The following NEGR1 variants were observed in gnomAD, a reference collection of about 807,000 sequenced individuals.
NEGR1 encodes the protein IgLON family member 4.
NEGR1 carries 10 observed loss-of-function variants against 40.9 expected under a neutral mutation model. The observed-to-expected ratio is 0.24, with a 90% CI of 0.15 to 0.42. The LOEUF (loss-of-function observed/expected upper bound fraction) is 0.42, where lower values mean the gene tolerates loss of function less well. Ranked by LOEUF, NEGR1 falls within the 10% of genes least tolerant of loss-of-function variation. The pLI is 1.00. For missense variants in NEGR1, 352 were observed against 438.9 expected, an observed-to-expected ratio of 0.80 and a Z score of 1.77; for synonymous variants, 185 against 166.8, an observed-to-expected ratio of 1.11 and a Z score of -0.84.
At chr1:71,483,678 C>G (rs1461943011) in intron 6 of NEGR1, among the ~76,000 whole-genome samples, 1 of 151,646 alleles carries the variant, frequency 6.6e-6, no homozygotes, top group Non-Finnish European at 1.5e-5. Context: ...ATGTCATGTT[C>G]AGGCTCAGAG....
Position 71,803,521 on chromosome 1 carries a change from C to A in NEGR1, c.410-27224G>T, listed in dbSNP as rs528163224. ...TCCAATATAATCTATTACTATTTTT[C>A]TACCAGCTCCATTGGTTCCTTGCTC... On this transcript the variant is annotated intron_variant, in intron 2 of 6. Coordinates refer to ENST00000357731, the MANE Select transcript of NEGR1 (RefSeq NM_173808.3). 2.0e-5 allele frequency among the ~76,000 whole-genome samples: 3 copies of A among 152,256 alleles called. No homozygotes were observed. In the East Asian group the frequency reaches 5.8e-4, roughly 29 times the overall value.
At chr1:71,670,459 TTTG>T (rs1277006166) in intron 4 of NEGR1, among the ~76,000 whole-genome samples, 1 of 152,240 alleles carries the variant, frequency 6.6e-6, no homozygotes. Flanking sequence ...TCATACATTT[TTTG>T]TTGTTGTTCT....
intron 3 of NEGR1, among the ~76,000 whole-genome samples, chr1:71,712,064 A>G (rs997977131): frequency 6.6e-6 from 1 of 152,192 alleles, no homozygotes; most frequent in Non-Finnish European, 1.5e-5. Flanking sequence ...GGAATTTCTT[A>G]GAATTATAAA....
chr1:72,277,455 T>G (rs1183201453), intron 1 of NEGR1, among the ~76,000 whole-genome samples: 4 of 152,196 alleles, frequency 2.6e-5, no homozygotes, highest in African/African-American at 9.6e-5. Context: ...TACAACTACA[T>G]GGGCTTTTGA....
chr1:71,724,059 A>G (rs925827697), intron 3 of NEGR1, among the ~76,000 whole-genome samples: 2 of 152,090 alleles, frequency 1.3e-5, no homozygotes, highest in African/African-American at 4.8e-5. Context: ...TCTTATTTTA[A>G]AAAGAACTTA....
At chr1:71,752,668 A>G (rs1022946180) in intron 3 of NEGR1, among the ~76,000 whole-genome samples, 1 of 152,176 alleles carries the variant, frequency 6.6e-6, no homozygotes, top group Non-Finnish European at 1.5e-5. Context: ...CCACATTAGA[A>G]GGAAATATCT....
At chr1:71,817,477 C>G (rs946840069) in intron 2 of NEGR1, among the ~76,000 whole-genome samples, 48 of 152,012 alleles carry the variant, frequency 3.2e-4, no homozygotes, top group Admixed American at 2.6e-4. Flanking sequence ...AGGCGCTATT[C>G]CCTAATAAAC....
chr1:71,486,742 A>C (rs972114078), intron 6 of NEGR1: 3 of 151,616 alleles, frequency 2.0e-5, no homozygotes, highest in African/African-American at 7.3e-5. Flanking sequence ...ATAAAAGCAA[A>C]GATGTTAATT....
chr1:71,699,329 T>C (rs900784233), intron 3 of NEGR1, among the ~76,000 whole-genome samples: 2 of 151,880 alleles, frequency 1.3e-5, no homozygotes, highest in African/African-American at 4.8e-5. Flanking sequence ...TTATTAACTG[T>C]GGCATGGTCT....
At chr1:71,418,655 T>C (rs556797780) in intron 6 of NEGR1, among the ~76,000 whole-genome samples, 1 of 152,238 alleles carries the variant, frequency 6.6e-6, no homozygotes, top group South Asian at 2.1e-4. Context: ...AGAAGAAATG[T>C]AATAACTTAA....
intron 2 of NEGR1, among the ~76,000 whole-genome samples, chr1:71,925,591 C>A (rs1463396425): frequency 6.6e-6 from 1 of 152,188 alleles, no homozygotes; most frequent in East Asian, 1.9e-4. Flanking sequence ...TTAGCAGATT[C>A]CAATTTTCTC....
intron 2 of NEGR1, among the ~76,000 whole-genome samples, chr1:71,785,696 C>A (rs1232526211): frequency 6.6e-6 from 1 of 152,152 alleles, no homozygotes; most frequent in Admixed American, 6.6e-5. Context: ...TCCCTATAAA[C>A]CAGAGGAAAC....
chr1:71,868,685 G>A (rs1265133181), intron 2 of NEGR1, among the ~76,000 whole-genome samples: 2 of 151,994 alleles, frequency 1.3e-5, no homozygotes, highest in Admixed American at 1.3e-4. Context: ...ATATCAAACT[G>A]CTTCTAGTGT....
chr1:71,911,902 C>A (rs1164939234), intron 2 of NEGR1, among the ~76,000 whole-genome samples: 2 of 152,134 alleles, frequency 1.3e-5, no homozygotes, highest in Non-Finnish European at 2.9e-5. Flanking sequence ...TACCACCACA[C>A]CCCATTTCCT....
chr1:71,598,932 T>C (rs1256997233), intron 5 of NEGR1, among the ~76,000 whole-genome samples: 2 of 152,186 alleles, frequency 1.3e-5, no homozygotes, highest in Non-Finnish European at 2.9e-5. Flanking sequence ...CTCATTAGAG[T>C]ATAACTCTGT....
At chr1:72,101,495 C>G (rs929081847) in intron 1 of NEGR1, among the ~76,000 whole-genome samples, 2 of 152,088 alleles carry the variant, frequency 1.3e-5, no homozygotes, top group Non-Finnish European at 2.9e-5. Flanking sequence ...GTATGTATTC[C>G]TATTTCAGGG....
At chr1:71,776,824 G>A (rs1292119963) in intron 2 of NEGR1, among the ~76,000 whole-genome samples, 3 of 152,034 alleles carry the variant, frequency 2.0e-5, no homozygotes, top group Admixed American at 1.3e-4. Context: ...AGGTAGTAGG[G>A]CTAGACTTTC....
intron 6 of NEGR1, among the ~76,000 whole-genome samples, chr1:71,432,476 G>A (rs899071399): frequency 2.0e-5 from 3 of 152,074 alleles, no homozygotes; most frequent in African/African-American, 4.8e-5. Context: ...TGAGTATTTT[G>A]ATTTAAAAAC....
rs537242983 is a variant in NEGR1, at chr1:71,413,864, T to C, written c.941-6294A>G. Among the ~76,000 whole-genome samples, 9 of 152,120 alleles carry C rather than the reference T, an allele frequency of 5.9e-5. No homozygotes were observed. The South Asian group carries it at 1.9e-3, about 32-fold the overall frequency. Reference sequence around the variant, plus strand: ...ACCACATCTGCTGCATATTATTTTCTGTTTTGGCAGTTTTCCCTTGTATTG... The same window carrying C: ...ACCACATCTGCTGCATATTATTTTCCGTTTTGGCAGTTTTCCCTTGTATTG... On this transcript the variant is annotated intron_variant, in intron 6 of 6. Coordinates refer to ENST00000357731, the MANE Select transcript of NEGR1 (RefSeq NM_173808.3).
Sources: gnomAD v4.1 joint callset for allele counts (sites outside exome capture counted in the v4.1 genomes callset) on GRCh38, gnomAD v4.1.1 for gene constraint, MANE v1.5 for transcripts, NCBI Gene and HGNC (gene_info 2026-07-23, HGNC 2026-07-21) for gene names.